The following RAD51B variants were observed in gnomAD, a reference collection of about 807,000 sequenced individuals.
RAD51B encodes the protein RAD51 paralog B.
In RAD51B, 38 loss-of-function variants were observed where a neutral mutation model predicts 42.2. The observed-to-expected ratio is 0.90, with a 90% confidence interval of 0.70 to 1.18. The LOEUF (loss-of-function observed/expected upper bound fraction) is 1.18. Among genes scored for constraint, RAD51B ranks in the 50% most tolerant of loss-of-function variants. The pLI is 0.00. For synonymous variants in RAD51B, 154 were observed against 145.2 expected (o/e 1.06, Z -0.43); for missense variants, 373 against 400.7 (o/e 0.93, Z 0.59).
chr14:67,872,756 A>G (rs1348856292), intron 5 of RAD51B, among the ~76,000 whole-genome samples: 1 of 150,916 alleles, frequency 6.6e-6, no homozygotes, highest in African/African-American at 2.4e-5. Flanking sequence ...GATCAATGGA[A>G]CAGAACAGAG....
intron 8 of RAD51B, among the ~76,000 whole-genome samples, chr14:68,324,775 A>G (rs2082218818): frequency 6.6e-6 from 1 of 152,040 alleles, no homozygotes. Context: ...GGAGGTTTAT[A>G]TCACCTCCTA....
intron 8 of RAD51B, among the ~76,000 whole-genome samples, chr14:68,389,900 C>T (rs1331799767): frequency 1.3e-5 from 2 of 152,172 alleles, no homozygotes; most frequent in Non-Finnish European, 2.9e-5. Flanking sequence ...CTCAATGAAT[C>T]TTCTAAATCA....
At chr14:68,030,899 T>C (rs764818710) in intron 7 of RAD51B, among the ~76,000 whole-genome samples, 1 of 152,126 alleles carries the variant, frequency 6.6e-6, no homozygotes, top group Non-Finnish European at 1.5e-5. Flanking sequence ...TCAATATTGT[T>C]GTGTCTCAAG....
intron 7 of RAD51B, among the ~76,000 whole-genome samples, chr14:68,183,894 C>A (rs1309225946): frequency 6.6e-6 from 1 of 151,990 alleles, no homozygotes; most frequent in Non-Finnish European, 1.5e-5. Context: ...GAGATTGAGA[C>A]CATCCTGGCT....
chr14:68,509,236 C>A (rs1647723540), intron 10 of RAD51B, among the ~76,000 whole-genome samples: 2 of 152,160 alleles, frequency 1.3e-5, no homozygotes, highest in African/African-American at 2.4e-5. Flanking sequence ...GACATACTAC[C>A]CTGAGCCCTT....
chr14:68,035,133 T>G (rs138129078), intron 7 of RAD51B, among the ~76,000 whole-genome samples: 98 of 152,344 alleles, frequency 6.4e-4, no homozygotes, highest in African/African-American at 2.3e-3. Context: ...ATTATACTCA[T>G]GGATTTCTGT....
intron 7 of RAD51B, among the ~76,000 whole-genome samples, chr14:67,901,140 C>T (rs1293234891): frequency 6.6e-6 from 1 of 152,138 alleles, no homozygotes; most frequent in Non-Finnish European, 1.5e-5. Flanking sequence ...TGGGTTCTGC[C>T]CAAAATGGGA....
At chr14:68,032,717 T>C (rs996213954) in intron 7 of RAD51B, among the ~76,000 whole-genome samples, 1 of 152,234 alleles carries the variant, frequency 6.6e-6, no homozygotes, top group African/African-American at 2.4e-5. Context: ...CTCCACACTA[T>C]AGATAGAGTG....
intron 9 of RAD51B, among the ~76,000 whole-genome samples, chr14:68,458,975 G>C (rs1165446428): frequency 6.6e-6 from 1 of 152,214 alleles, no homozygotes; most frequent in Non-Finnish European, 1.5e-5. Flanking sequence ...TGAGGCTTCA[G>C]TGTTCCATGC....
At chr14:68,068,615 C>T (rs1247161698) in intron 7 of RAD51B, among the ~76,000 whole-genome samples, 1 of 152,068 alleles carries the variant, frequency 6.6e-6, no homozygotes, top group African/African-American at 2.4e-5. Flanking sequence ...GTTTTCAATT[C>T]TCTTGGGTGT....
intron 7 of RAD51B, among the ~76,000 whole-genome samples, chr14:68,126,778 T>G (rs1018310307): frequency 6.6e-6 from 1 of 152,346 alleles, no homozygotes; most frequent in South Asian, 2.1e-4. Flanking sequence ...CATTTCCTAG[T>G]CTACTTTCCC....
At chr14:68,500,102 A>T (rs1360663292) in intron 10 of RAD51B, among the ~76,000 whole-genome samples, 6 of 152,134 alleles carry the variant, frequency 3.9e-5, no homozygotes, top group Non-Finnish European at 8.8e-5. Context: ...CGTTCCTCAT[A>T]CATTAACTTC....
intron 10 of RAD51B, among the ~76,000 whole-genome samples, chr14:68,630,507 C>A (rs1196227106): frequency 6.6e-6 from 1 of 152,194 alleles, no homozygotes; most frequent in Non-Finnish European, 1.5e-5. Flanking sequence ...CCCCACCCCC[C>A]ATGCACCTCC....
intron 7 of RAD51B, among the ~76,000 whole-genome samples, chr14:68,237,370 C>G (rs1044363113): frequency 2.6e-5 from 4 of 152,172 alleles, no homozygotes; most frequent in Non-Finnish European, 5.9e-5. Context: ...TGGGGCCTAG[C>G]AATGTACTAG....
At chr14:68,126,837 G>T (rs956772667) in intron 7 of RAD51B, among the ~76,000 whole-genome samples, 15 of 152,160 alleles carry the variant, frequency 9.9e-5, no homozygotes, top group Non-Finnish European at 2.1e-4. Flanking sequence ...GAATCTCAAG[G>T]TGTTTGGGTG....
chr14:68,373,381 T>G (rs1228915951), intron 8 of RAD51B, among the ~76,000 whole-genome samples: 2 of 152,142 alleles, frequency 1.3e-5, no homozygotes, highest in African/African-American at 4.8e-5. Flanking sequence ...TTAATGCCCA[T>G]CAATGATAGA....
chr14:67,888,942 A>G (rs771829245), intron 7 of RAD51B, among the ~76,000 whole-genome samples: 37 of 152,146 alleles, frequency 2.4e-4, no homozygotes, highest in Admixed American at 2.2e-3. Context: ...TCCGTGCAAA[A>G]TAAAATTCAC....
intron 7 of RAD51B, among the ~76,000 whole-genome samples, chr14:68,050,951 T>A (rs2076383264): frequency 6.6e-6 from 1 of 151,588 alleles, no homozygotes; most frequent in African/African-American, 2.4e-5. Context: ...TATATCCAAC[T>A]CCAGGAGAAA....
chr14:68,038,243 A>G (rs1269289271), intron 7 of RAD51B, among the ~76,000 whole-genome samples: 1 of 152,232 alleles, frequency 6.6e-6, no homozygotes, highest in African/African-American at 2.4e-5. Flanking sequence ...GCATGTAATG[A>G]TAGCATCTAA....
Sources: gnomAD v4.1 joint callset for allele counts (sites outside exome capture counted in the v4.1 genomes callset) on GRCh38, gnomAD v4.1.1 for gene constraint, MANE v1.5 for transcripts, NCBI Gene and HGNC (gene_info 2026-07-23, HGNC 2026-07-21) for gene names.